The following BTRC variants were observed in gnomAD, a reference collection of about 807,000 sequenced individuals.
BTRC encodes the protein beta-transducin repeat containing E3 ubiquitin protein ligase.
Under a neutral mutation model 85.5 loss-of-function variants are expected in BTRC, and 42 were observed. That is an observed-to-expected ratio of 0.49 (90% CI 0.38 to 0.64). BTRC has a LOEUF of 0.64. BTRC is among the 30% of genes least tolerant of loss of function. The pLI, the probability that BTRC is intolerant of heterozygous loss-of-function variation, is 0.00. For missense variants in BTRC, 594 were observed against 743.5 expected (o/e 0.80, Z 2.34); for synonymous variants, 255 against 263.3 (o/e 0.97, Z 0.30).
At chr10:101,528,971 T>C (rs775010815) in intron 6 of BTRC, among the ~76,000 whole-genome samples, 1 of 152,230 alleles carries the variant, frequency 6.6e-6, no homozygotes, top group African/African-American at 2.4e-5. Flanking sequence ...TGTAGTTTTC[T>C]CTCTTGAATA....
chr10:101,518,476 T>A (rs149540579), intron 4 of BTRC, among the ~76,000 whole-genome samples: 54 of 152,236 alleles, frequency 3.5e-4, no homozygotes, highest in Admixed American at 2.0e-3. Context: ...AATGCAACTT[T>A]CTCCCCATTC....
chr10:101,473,658 A>T (rs1945599627), intron 3 of BTRC, among the ~76,000 whole-genome samples: 1 of 151,502 alleles, frequency 6.6e-6, no homozygotes, highest in South Asian at 2.1e-4. Context: ...TTTGGTAGAG[A>T]TGGGGTTTCA....
intron 4 of BTRC, among the ~76,000 whole-genome samples, chr10:101,487,395 T>G (rs1466329854): frequency 6.6e-6 from 1 of 152,224 alleles, no homozygotes; most frequent in African/African-American, 2.4e-5. Flanking sequence ...ACTTGCAGAC[T>G]TAAACATTTC....
intron 3 of BTRC, 85 bp from the exon 4 acceptor site, chr10:101,479,283 T>G (rs947881122): frequency 1.0e-6 from 1 of 1,001,280 alleles, no homozygotes; most frequent in Non-Finnish European, 1.5e-6. Context: ...GTGTTTTGAC[T>G]TGAGAAATAG....
At chr10:101,550,380 G>A (rs918471083) in intron 13 of BTRC, among the ~76,000 whole-genome samples, 18 of 152,018 alleles carry the variant, frequency 1.2e-4, no homozygotes, top group African/African-American at 3.9e-4. Flanking sequence ...CACCTCCCAG[G>A]TTCAAGCAAT....
chr10:101,409,475 G>A (rs1943717960), intron 1 of BTRC, among the ~76,000 whole-genome samples: 1 of 152,174 alleles, frequency 6.6e-6, no homozygotes, highest in Admixed American at 6.5e-5. Context: ...GATACATTCT[G>A]AGAAATGTGC....
intron 2 of BTRC, among the ~76,000 whole-genome samples, chr10:101,446,559 G>C (rs527872610): frequency 1.3e-5 from 2 of 152,164 alleles, no homozygotes; most frequent in Admixed American, 1.3e-4. Flanking sequence ...TTGCTTTTTT[G>C]GCTACTGCTA....
rs1402343996 is a variant in BTRC, at chr10:101,532,810, G to GCGCA, written c.979-141_979-140insGCAC. On this transcript the variant is annotated intron_variant, in intron 8 of 14. Transcript: ENST00000370187. The stretch of plus-strand genomic sequence containing the variant: ...TGTGTGCGCGTGTGCGCGCGCGCGC[G>GCGCA]CTTAGCTATACCTATAGAAAATGCA... 2.9e-4 allele frequency: 198 copies of GCGCA among 676,418 alleles called. 1 individual carries two copies. Among genetic ancestry groups the GCGCA allele is most frequent in the Admixed American group, 6.4e-4 (27 of 42,050 alleles). The allele number at this position is 676,418 out of a possible 1,614,324, so 41.9% of individuals were successfully genotyped here.
intron 4 of BTRC, among the ~76,000 whole-genome samples, chr10:101,514,618 A>G (rs923747798): frequency 1.3e-5 from 2 of 152,024 alleles, no homozygotes; most frequent in Non-Finnish European, 2.9e-5. Context: ...ATGTCCAGCT[A>G]ATTTTTGTAT....
chr10:101,535,398 A>G lies in BTRC; in HGVS notation c.1392A>G (p.Gly464=), dbSNP rs200193799. 6.2e-7 allele frequency: 1 copy of G among 1,614,166 alleles called. No homozygotes were observed. Among genetic ancestry groups the G allele is most frequent in the Non-Finnish European group, 8.5e-7 (1 of 1,180,006 alleles). ...GTGAATTTGTAAGGACCTTAAATGG[A>G]CACAAACGAGGCATTGCCTGTTTGC... The part of the protein sequence containing the change: ...STCEFVRTLN[G]HKRGIACLQY... The change falls in exon 11 of 15, where the codon GGA becomes GGG. Residue 464 remains glycine, a synonymous_variant. Transcript: ENST00000370187.
chr10:101,514,915 A>G (rs956707385), intron 4 of BTRC, among the ~76,000 whole-genome samples: 2 of 152,172 alleles, frequency 1.3e-5, no homozygotes, highest in Non-Finnish European at 2.9e-5. Context: ...TGAGTCTTCC[A>G]TCTTTTTTCA....
intron 1 of BTRC, among the ~76,000 whole-genome samples, chr10:101,403,855 A>G (rs1256268130): frequency 6.6e-6 from 1 of 151,652 alleles, no homozygotes; most frequent in African/African-American, 2.4e-5. Context: ...TTGGCTTCCC[A>G]AAGTGCTGGG....
rs1391810310 is a variant in BTRC at position 101,468,227 on chromosome 10, ATAT to A, written c.234+6174_234+6176del. On this transcript the variant is annotated intron_variant, in intron 3 of 14. Transcript: ENST00000370187. ...TGTAATCACTGACTTAGTAGGAAAA[ATAT>A]TATTGAACTCCTGGGTTGCAATGAC... Among the ~76,000 whole-genome samples the A allele has an allele frequency of 2.6e-5, 4 of 152,308 alleles. No homozygotes were observed. The East Asian group carries it at 5.8e-4, about 22-fold the overall frequency.
chr10:101,496,454 C>T (rs1218029864), intron 4 of BTRC, among the ~76,000 whole-genome samples: 1 of 152,176 alleles, frequency 6.6e-6, no homozygotes, highest in Admixed American at 6.5e-5. Flanking sequence ...TTCACTCTGT[C>T]ACCCAGTCTG....
intron 4 of BTRC, among the ~76,000 whole-genome samples, chr10:101,512,542 T>A (rs956721146): frequency 2.6e-5 from 4 of 152,218 alleles, no homozygotes; most frequent in Non-Finnish European, 5.9e-5. Flanking sequence ...GTCAGTCCAC[T>A]ATGTATTTCC....
Position 101,541,718 on chromosome 10 carries a change from A to C in BTRC, c.1656+3347A>C, listed in dbSNP as rs917732977. Among the ~76,000 whole-genome samples, 2 of 152,082 alleles carry C rather than the reference A, an allele frequency of 1.3e-5. 1 individual carries two copies. The highest frequency in any genetic ancestry group is 2.9e-5 in the Non-Finnish European group (2 of 68,004). The stretch of plus-strand genomic sequence containing the variant: ...ATGGTTTTTCACTTTTATTCTGTTA[A>C]TTGGTATATTACATTGAATTTTTTT... On this transcript the variant is annotated intron_variant, in intron 13 of 14. Coordinates refer to ENST00000370187, the MANE Select transcript of BTRC (RefSeq NM_033637.4).
intron 1 of BTRC, among the ~76,000 whole-genome samples, chr10:101,413,648 G>T (rs1344146810): frequency 6.6e-6 from 1 of 152,010 alleles, no homozygotes. Context: ...AGATGAAGAT[G>T]TCCCAGAGGA....
intron 11 of BTRC, among the ~76,000 whole-genome samples, chr10:101,535,935 T>C (rs972939711): frequency 6.6e-6 from 1 of 152,180 alleles, no homozygotes. Context: ...TCCTCTCCCT[T>C]CAGTGAAGTA....
chr10:101,532,600 C>T (rs1589606175), intron 8 of BTRC, among the ~76,000 whole-genome samples, 168 bp downstream of exon 8: 1 of 152,164 alleles, frequency 6.6e-6, no homozygotes, highest in Non-Finnish European at 1.5e-5. Context: ...CAGACATCAG[C>T]TTCCCCACTA....
Sources: allele counts gnomAD v4.1 joint callset (sites outside exome capture counted in the v4.1 genomes callset), GRCh38; gene constraint gnomAD v4.1.1; transcripts MANE v1.5; gene names NCBI Gene and HGNC (gene_info 2026-07-23, HGNC 2026-07-21).